RNF175: variants seen among roughly 807,000 people sequenced by gnomAD.
RNF175 encodes the protein ring finger protein 175.
Under a neutral mutation model 50.0 loss-of-function variants are expected in RNF175, and 38 were observed. The ratio of observed to expected loss-of-function variants is 0.76; its 90% CI spans 0.59 to 1.00. RNF175 has a LOEUF of 1.00. Ranked by LOEUF, RNF175 falls within the 50% of genes least tolerant of loss-of-function variation. RNF175 has a pLI of 0.00. For synonymous variants in RNF175, 155 were observed against 146.1 expected, an observed-to-expected ratio of 1.06 and a Z score of -0.44; for missense variants, 388 against 409.6, an observed-to-expected ratio of 0.95 and a Z score of 0.46.
chr4:153,727,764 A>G (rs1450468174), intron 4 of RNF175: 1 of 152,394 alleles, frequency 6.6e-6, no homozygotes, highest in Non-Finnish European at 1.5e-5. Context: ...ATATTAAACC[A>G]TCATTTGTTA....
chr4:153,723,593 A>G (rs1738485374), intron 4 of RNF175, 135 bp from the exon 5 acceptor site: 5 of 591,360 alleles, frequency 8.5e-6, no homozygotes, highest in Middle Eastern at 3.0e-4. Flanking sequence ...AAGTAAATTT[A>G]TAACACACAG....
chr4:153,715,301 C>T, intron 7 of RNF175: 3 of 585,850 alleles, frequency 5.1e-6, no homozygotes, highest in South Asian at 3.7e-5. Flanking sequence ...GTGGCATTAA[C>T]AGTCCTCTTT....
At chr4:153,741,856 G>A (rs555538168) in intron 3 of RNF175, among the ~76,000 whole-genome samples, 25 of 151,896 alleles carry the variant, frequency 1.6e-4, no homozygotes, top group Non-Finnish European at 3.1e-4. Context: ...TGCCACATTC[G>A]GTTGGTGCAA....
chr4:153,735,111 T>A (rs2127136282), intron 3 of RNF175, among the ~76,000 whole-genome samples: 1 of 152,318 alleles, frequency 6.6e-6, no homozygotes, highest in East Asian at 1.9e-4. Context: ...AAACCTATAT[T>A]TTTTTCCTAT....
intron 3 of RNF175, among the ~76,000 whole-genome samples, chr4:153,741,871 A>G (rs1739677088): frequency 1.3e-5 from 2 of 152,058 alleles, no homozygotes; most frequent in Admixed American, 6.6e-5. Context: ...GTGCAAAAGT[A>G]ATTGCTGTTT....
At chr4:153,719,758 C>G (rs567935883) in intron 6 of RNF175, among the ~76,000 whole-genome samples, 1 of 152,302 alleles carries the variant, frequency 6.6e-6, no homozygotes, top group Non-Finnish European at 1.5e-5. Context: ...CCCAGATGCA[C>G]TGTTGATTCT....
intron 6 of RNF175, among the ~76,000 whole-genome samples, chr4:153,718,218 G>GTTTTTTTTTT (rs1560770428): frequency 3.1e-4 from 9 of 28,688 alleles, no homozygotes; most frequent in Non-Finnish European, 9.3e-4. Flanking sequence ...AGTTTTTTTT[G>GTTTTTTTTTT]TTTGTTTGTT....
chr4:153,745,219 C>A (rs1181981736), intron 3 of RNF175, among the ~76,000 whole-genome samples: 1 of 152,166 alleles, frequency 6.6e-6, no homozygotes, highest in Non-Finnish European at 1.5e-5. Flanking sequence ...CCGGCAGCTT[C>A]AACATTACCA....
intron 7 of RNF175, among the ~76,000 whole-genome samples, 187 bp from the exon 8 acceptor site, chr4:153,712,763 C>T (rs534957323): frequency 6.6e-6 from 1 of 152,212 alleles, no homozygotes; most frequent in Admixed American, 6.5e-5. Flanking sequence ...GCTGCCTTCG[C>T]TTTATGACCC....
At chr4:153,753,321 A>G (rs1740389736) in intron 1 of RNF175, among the ~76,000 whole-genome samples, 1 of 151,660 alleles carries the variant, frequency 6.6e-6, no homozygotes, top group Non-Finnish European at 1.5e-5. Context: ...CCCCCACACT[A>G]GCAGAATACT....
chr4:153,747,788 T>G (rs1451083642), intron 3 of RNF175, among the ~76,000 whole-genome samples: 1 of 152,254 alleles, frequency 6.6e-6, no homozygotes, highest in Admixed American at 6.5e-5. Context: ...CAGGCATTTG[T>G]TATAGTAACA....
intron 3 of RNF175, among the ~76,000 whole-genome samples, chr4:153,746,184 GA>G (rs1384291140): frequency 6.6e-6 from 1 of 152,234 alleles, no homozygotes; most frequent in African/African-American, 2.4e-5. Flanking sequence ...GCAGAGGATA[GA>G]TATTCCCATT....
In RNF175 at chr4:153,710,311, T is replaced by G. The variant is rs1029104439; in HGVS notation, c.*58A>C. The G allele has an allele frequency of 5.1e-5, 70 of 1,359,546 alleles. No individual in the cohort carries two copies. Among genetic ancestry groups the G allele is most frequent in the Middle Eastern group, 3.7e-4 (2 of 5,428 alleles). 84.2% of individuals were successfully genotyped at this position (1,359,546 alleles called of 1,614,324 possible). A position where few individuals can be genotyped will look rare whatever the true frequency, so the allele number is the denominator to read the frequency against. The stretch of plus-strand genomic sequence containing the variant: ...ATCTCTAAAATTAAAAAAATTAATA[T>G]TAAATGTTGGACCAAGGATTTCAAC... On this transcript the variant is annotated 3_prime_UTR_variant, in exon 9 of 9. Transcript: ENST00000347063.
At chr4:153,733,100 C>T (rs186948125) in intron 3 of RNF175, among the ~76,000 whole-genome samples, 8 of 152,028 alleles carry the variant, frequency 5.3e-5, no homozygotes, top group South Asian at 4.2e-4. Context: ...TCCTACAGAC[C>T]GCAGAACATA....
intron 3 of RNF175, among the ~76,000 whole-genome samples, chr4:153,743,543 G>C (rs1228350660): frequency 6.7e-6 from 1 of 148,806 alleles, no homozygotes; most frequent in South Asian, 2.1e-4. Context: ...CCTTGACTAT[G>C]GTGGGGGCAA....
At chr4:153,720,406 G>A in intron 5 of RNF175, 102 bp from the exon 6 acceptor site, 2 of 903,372 alleles carry the variant, frequency 2.2e-6, no homozygotes, top group South Asian at 1.8e-5. Context: ...AGAACCTTGT[G>A]GGTATTTTTT....
At chr4:153,720,032 T>C (rs1454448744) in intron 6 of RNF175, among the ~76,000 whole-genome samples, 152 bp downstream of exon 6, 1 of 152,228 alleles carries the variant, frequency 6.6e-6, no homozygotes, top group Non-Finnish European at 1.5e-5. Context: ...CAGGGAGCAA[T>C]TGGTCTAGGT....
At position 153,723,390 on chromosome 4, in the gene RNF175, G is replaced by A. The variant is rs115872046; in HGVS notation, c.470C>T (p.Ala157Val). The A allele has an allele frequency of 6.1e-3, 9,859 of 1,603,538 alleles. 51 individuals carry two copies. The highest frequency in any genetic ancestry group is 0.011 in the Middle Eastern group (67 of 6,046). The change falls in exon 5 of 9, where the codon GCG (alanine) becomes GTG (valine). Residue 157 changes from alanine (A) to valine (V), a missense_variant. Physicochemically the swap from Ala to Val is moderately conservative, Grantham distance 64. Transcript: ENST00000347063. ...SYAFGVVGYL[A>V]IMFTMCGFNL... Reference sequence around the variant, plus strand: ...GAATCCACACATTGTAAACATGATCGCCAAGTAACCCACAACACCAAATGC... The same window carrying A: ...GAATCCACACATTGTAAACATGATCACCAAGTAACCCACAACACCAAATGC...
At chr4:153,728,813 T>C (rs2127124120) in intron 3 of RNF175, among the ~76,000 whole-genome samples, 1 of 152,340 alleles carries the variant, frequency 6.6e-6, no homozygotes, top group African/African-American at 2.4e-5. Flanking sequence ...GCTTTGTTAC[T>C]GTCATGTATC....
Sources: gnomAD v4.1 joint callset for allele counts (sites outside exome capture counted in the v4.1 genomes callset) on GRCh38, gnomAD v4.1.1 for gene constraint, MANE v1.5 for transcripts, NCBI Gene and HGNC (gene_info 2026-07-23, HGNC 2026-07-21) for gene names.